PPARGC1A: variants seen among roughly 807,000 people sequenced by gnomAD.
PPARGC1A encodes PPARG coactivator 1 alpha.
Under a neutral mutation model 88.7 loss-of-function variants are expected in PPARGC1A, and 25 were observed. That is an observed-to-expected ratio of 0.28 (90% confidence interval 0.21 to 0.39). The LOEUF is 0.39. PPARGC1A is among the 10% of genes least tolerant of loss of function. The pLI is 1.00. For synonymous variants in PPARGC1A, 363 were observed against 355.6 expected, an observed-to-expected ratio of 1.02 and a Z score of -0.24; for missense variants, 880 against 968.7, an observed-to-expected ratio of 0.91 and a Z score of 1.22.
At chr4:23,939,824 C>T in the PPARGC1A span, among the ~76,000 whole-genome samples, 3,694 of 152,092 alleles carry the variant, frequency 0.024, 154 homozygotes, top group East Asian at 0.093. Flanking sequence ...ACAATGAGGC[C>T]CAAGGACATA....
At chr4:23,891,010 A>C (rs1054159688), upstream of PPARGC1A, among the ~76,000 whole-genome samples, 6 of 152,158 alleles carry the variant, frequency 3.9e-5, no homozygotes, top group Non-Finnish European at 7.3e-5. Context: ...TTTTGAAATC[A>C]AGAATGTCTG....
At chr4:23,872,816 T>C (rs1713700679) in intron 2 of PPARGC1A, among the ~76,000 whole-genome samples, 1 of 152,158 alleles carries the variant, frequency 6.6e-6, no homozygotes, top group Non-Finnish European at 1.5e-5. Flanking sequence ...GATGAACTTT[T>C]AAAATCCACA....
intron 2 of PPARGC1A, chr4:23,880,113 A>G (rs1480626540): frequency 6.6e-6 from 1 of 152,224 alleles, no homozygotes; most frequent in Non-Finnish European, 1.5e-5. Flanking sequence ...TTGCAAATAT[A>G]TATATAATCC....
chr4:23,839,515 G>C (rs1726666315), intron 2 of PPARGC1A, among the ~76,000 whole-genome samples: 1 of 152,160 alleles, frequency 6.6e-6, no homozygotes, highest in African/African-American at 2.4e-5. Context: ...CAGACTGGAA[G>C]TCAGGAGAAT....
At chr4:24,190,197 A>C in the PPARGC1A span, among the ~76,000 whole-genome samples, 1 of 152,098 alleles carries the variant, frequency 6.6e-6, no homozygotes, top group Non-Finnish European at 1.5e-5. Context: ...TGGATACAAC[A>C]GGCCTGTAAG....
the PPARGC1A span, among the ~76,000 whole-genome samples, chr4:24,381,103 CAG>C: frequency 1.3e-5 from 2 of 151,924 alleles, no homozygotes; most frequent in African/African-American, 2.4e-5. Flanking sequence ...GAAGAGGAAA[CAG>C]AGACAGAATG....
the PPARGC1A span, among the ~76,000 whole-genome samples, chr4:23,955,098 T>G: frequency 6.6e-6 from 1 of 152,074 alleles, no homozygotes; most frequent in Admixed American, 6.6e-5. Context: ...ACCAAAATGT[T>G]TATCTACATT....
rs1478973449 is a variant in PPARGC1A, at chr4:23,828,451, A to C, written c.706T>G (p.Cys236Gly). The change falls in exon 5 of 13, where the codon TGC becomes GGC. Residue 236 changes from cysteine to glycine, a missense_variant. Transcript: ENST00000264867. ...GTGTGGGACTTCTTTTTGGAGGTGCATTTGTCTCTGCTGCTGTTTCTGTTC... is the reference window on the plus strand; with the variant it reads ...GTGTGGGACTTCTTTTTGGAGGTGCCTTTGTCTCTGCTGCTGTTTCTGTTC... The part of the protein sequence containing the change: ...TENRNSSRDK[C>G]TSKKKSHTQS... 6.2e-7 allele frequency: 1 copy of C among 1,613,058 alleles called. No homozygotes were observed. The highest frequency in any genetic ancestry group is 8.5e-7 in the Non-Finnish European group (1 of 1,179,672).
the PPARGC1A span, among the ~76,000 whole-genome samples, chr4:24,468,816 A>C: frequency 6.6e-6 from 1 of 152,090 alleles, no homozygotes; most frequent in Non-Finnish European, 1.5e-5. Context: ...CGTCATAATC[A>C]TGTTTCTTGT....
chr4:23,942,279 C>A, the PPARGC1A span, among the ~76,000 whole-genome samples: 8 of 152,252 alleles, frequency 5.3e-5, no homozygotes, highest in African/African-American at 1.9e-4. Flanking sequence ...ATTGAATTCA[C>A]TGAAAAACAT....
chr4:23,980,636 C>G, the PPARGC1A span, among the ~76,000 whole-genome samples: 1 of 152,102 alleles, frequency 6.6e-6, no homozygotes, highest in Non-Finnish European at 1.5e-5. Context: ...GCTAAGCAAC[C>G]AGGAGCAATG....
At chr4:24,048,866 C>A in the PPARGC1A span, among the ~76,000 whole-genome samples, 1 of 152,134 alleles carries the variant, frequency 6.6e-6, no homozygotes. Context: ...CTAATTCCAA[C>A]TAATGGAAAT....
the PPARGC1A span, among the ~76,000 whole-genome samples, chr4:24,149,754 A>T: frequency 6.6e-6 from 1 of 152,178 alleles, no homozygotes; most frequent in East Asian, 1.9e-4. Flanking sequence ...GCAGCGTGGA[A>T]GCTTTGTTCA....
chr4:24,281,382 G>A, the PPARGC1A span, among the ~76,000 whole-genome samples: 15 of 152,230 alleles, frequency 9.9e-5, no homozygotes, highest in Middle Eastern at 3.2e-3. Context: ...GGAAGATGAA[G>A]AGGAGACAGC....
chr4:24,228,333 T>C, the PPARGC1A span, among the ~76,000 whole-genome samples: 1 of 152,282 alleles, frequency 6.6e-6, no homozygotes, highest in African/African-American at 2.4e-5. Flanking sequence ...AGAAATTATA[T>C]CCTTTGCAAC....
At chr4:23,889,828 TC>T in intron 1 of PPARGC1A, 75 bp downstream of exon 1, 2 of 1,552,912 alleles carry the variant, frequency 1.3e-6, no homozygotes, top group Non-Finnish European at 1.7e-6. Context: ...CCCAAGCCCA[TC>T]CCCCCTTACA....
At chr4:24,288,189 C>T in the PPARGC1A span, among the ~76,000 whole-genome samples, 3 of 152,178 alleles carry the variant, frequency 2.0e-5, no homozygotes, top group African/African-American at 7.2e-5. Flanking sequence ...TTACCAACAA[C>T]CCTGGTTTTC....
the PPARGC1A span, among the ~76,000 whole-genome samples, chr4:24,021,375 G>A: frequency 6.6e-6 from 1 of 152,212 alleles, no homozygotes; most frequent in African/African-American, 2.4e-5. Context: ...CCCTCTCACT[G>A]AGCAGATGTC....
chr4:24,161,241 G>A, the PPARGC1A span, among the ~76,000 whole-genome samples: 2 of 152,204 alleles, frequency 1.3e-5, no homozygotes, highest in East Asian at 3.9e-4. Context: ...TTTATTCAAG[G>A]GTCTCTCTTC....
Sources: allele counts gnomAD v4.1 joint callset (sites outside exome capture counted in the v4.1 genomes callset), GRCh38; gene constraint gnomAD v4.1.1; transcripts MANE v1.5; gene names NCBI Gene and HGNC (gene_info 2026-07-23, HGNC 2026-07-21).